ROBO2: variants seen among roughly 807,000 people sequenced by gnomAD.
ROBO2 encodes the protein roundabout guidance receptor 2.
A neutral mutation model predicts 160.8 loss-of-function variants in ROBO2; 53 were observed. The observed-to-expected ratio is 0.33, with a 90% CI of 0.26 to 0.41. The LOEUF is 0.41. Among genes scored for constraint, ROBO2 ranks in the 10% least tolerant of loss-of-function variants. The pLI, the probability that ROBO2 is intolerant of heterozygous loss-of-function variation, is 1.00. For missense variants in ROBO2, 1,577 were observed against 1,722.4 expected, an observed-to-expected ratio of 0.92 and a Z score of 1.49; for synonymous variants, 664 against 611.7, an observed-to-expected ratio of 1.09 and a Z score of -1.26.
intron 2 of ROBO2, among the ~76,000 whole-genome samples, chr3:76,379,324 A>C (rs1430592523): frequency 6.6e-6 from 1 of 150,924 alleles, no homozygotes; most frequent in African/African-American, 2.4e-5. Flanking sequence ...AAATACTTGA[A>C]ATCTACACTT....
At chr3:77,163,917 T>C (rs2078714024) in intron 2 of ROBO2, among the ~76,000 whole-genome samples, 1 of 152,216 alleles carries the variant, frequency 6.6e-6, no homozygotes, top group Admixed American at 6.5e-5. Flanking sequence ...ACAGATAAAA[T>C]TGATATATTC....
chr3:76,028,026 T>G (rs34675330), intron 2 of ROBO2, among the ~76,000 whole-genome samples: 16,227 of 151,816 alleles, frequency 0.11, 1,138 homozygotes, highest in Non-Finnish European at 0.15. Context: ...TGGCAAAAAG[T>G]GTGGGTGTAG....
At chr3:76,086,079 C>A (rs986828983) in intron 2 of ROBO2, among the ~76,000 whole-genome samples, 1 of 152,032 alleles carries the variant, frequency 6.6e-6, no homozygotes. Context: ...TCTGATCTCA[C>A]GCAGCTATAA....
chr3:77,131,249 A>G (rs1277316753), intron 2 of ROBO2, among the ~76,000 whole-genome samples: 3 of 152,206 alleles, frequency 2.0e-5, no homozygotes, highest in African/African-American at 7.2e-5. Context: ...TGCTGAAGGC[A>G]TCTGAATTTT....
intron 2 of ROBO2, among the ~76,000 whole-genome samples, chr3:76,296,656 T>G (rs1293124767): frequency 6.6e-6 from 1 of 152,206 alleles, no homozygotes; most frequent in Non-Finnish European, 1.5e-5. Context: ...ATCACTGAAA[T>G]AGAATCAGCA....
intron 2 of ROBO2, among the ~76,000 whole-genome samples, chr3:76,302,890 T>C (rs1377062387): frequency 6.6e-6 from 1 of 152,148 alleles, no homozygotes; most frequent in East Asian, 1.9e-4. Context: ...TATAATTTAG[T>C]GACTGTGCTA....
intron 2 of ROBO2, among the ~76,000 whole-genome samples, chr3:76,345,441 C>T (rs866854665): frequency 1.5e-4 from 20 of 133,234 alleles, no homozygotes; most frequent in East Asian, 6.6e-4. Flanking sequence ...TCTTTTCTTT[C>T]TTTTTTTTTT....
intron 2 of ROBO2, among the ~76,000 whole-genome samples, chr3:77,445,802 T>TTG (rs1336178435): frequency 6.9e-5 from 10 of 145,668 alleles, no homozygotes; most frequent in South Asian, 4.5e-4. Context: ...TTGTTTTTTT[T>TTG]TTTTTTTTTG....
At chr3:77,310,969 C>G (rs897959505) in intron 2 of ROBO2, among the ~76,000 whole-genome samples, 7 of 152,004 alleles carry the variant, frequency 4.6e-5, no homozygotes, top group African/African-American at 1.4e-4. Context: ...CAGATGTCTT[C>G]TGATGAGTGA....
intron 2 of ROBO2, among the ~76,000 whole-genome samples, chr3:76,075,879 A>G (rs73842965): frequency 0.024 from 3,712 of 152,332 alleles, 74 homozygotes; most frequent in East Asian, 0.081. Context: ...AGGATCAGGA[A>G]GATACAGTAA....
At chr3:77,292,478 A>C (rs1201629719) in intron 2 of ROBO2, among the ~76,000 whole-genome samples, 1 of 148,306 alleles carries the variant, frequency 6.7e-6, no homozygotes, top group African/African-American at 2.5e-5. Context: ...AAACGGGTAA[A>C]CTGAGGCTAG....
At chr3:77,471,719 T>C (rs2083370715) in intron 2 of ROBO2, among the ~76,000 whole-genome samples, 1 of 152,128 alleles carries the variant, frequency 6.6e-6, no homozygotes, top group Non-Finnish European at 1.5e-5. Context: ...ACACAAAATA[T>C]GAGACTGAAA....
At chr3:75,928,757 C>T (rs1476484400) in intron 1 of ROBO2, among the ~76,000 whole-genome samples, 4 of 151,982 alleles carry the variant, frequency 2.6e-5, no homozygotes, top group African/African-American at 9.7e-5. Flanking sequence ...ATGAGATCTG[C>T]AGCTGGTTAA....
intron 2 of ROBO2, among the ~76,000 whole-genome samples, chr3:77,267,880 C>G (rs558591018): frequency 6.6e-6 from 1 of 152,234 alleles, no homozygotes; most frequent in South Asian, 2.1e-4. Flanking sequence ...CTTACCAACT[C>G]CCCCAATAAA....
At chr3:77,629,843 C>T (rs1480870865) in intron 23 of ROBO2, 12 of 152,122 alleles carry the variant, frequency 7.9e-5, no homozygotes, top group Admixed American at 7.2e-4. Context: ...CATATGCCTA[C>T]TGTTTATTGA....
chr3:76,156,870 G>A (rs1305607477), intron 2 of ROBO2, among the ~76,000 whole-genome samples: 95 of 152,202 alleles, frequency 6.2e-4, no homozygotes, highest in Non-Finnish European at 1.2e-4. Flanking sequence ...CACTTGGGAG[G>A]CTGAGGAAGG....
At chr3:77,392,252 A>T (rs1189489201) in intron 2 of ROBO2, among the ~76,000 whole-genome samples, 1 of 152,206 alleles carries the variant, frequency 6.6e-6, no homozygotes, top group African/African-American at 2.4e-5. Flanking sequence ...GCTAAAATTC[A>T]ACCTATTTGA....
chr3:77,562,770 T>C (rs1054643604), intron 10 of ROBO2, 38 bp downstream of exon 11: 2 of 1,373,544 alleles, frequency 1.5e-6, no homozygotes, highest in South Asian at 1.2e-5. Context: ...CTTGGGCCCC[T>C]TTTCTGATAG....
intron 6 of ROBO2, among the ~76,000 whole-genome samples, chr3:77,527,749 T>C (rs2153632077): frequency 6.6e-6 from 1 of 151,694 alleles, no homozygotes; most frequent in African/African-American, 2.4e-5. Context: ...TTTGTATGTA[T>C]AAAATAATCA....
Sources: allele counts gnomAD v4.1 joint callset (sites outside exome capture counted in the v4.1 genomes callset), GRCh38; gene constraint gnomAD v4.1.1; transcripts MANE v1.5; gene names NCBI Gene and HGNC (gene_info 2026-07-23, HGNC 2026-07-21).